Variants in FAM124A observed in about 807,000 individuals in gnomAD.
FAM124A encodes the protein family with sequence similarity 124 member A.
In FAM124A, 23 loss-of-function variants were observed where a neutral mutation model predicts 24.5. The ratio of observed to expected loss-of-function variants is 0.94; its 90% CI spans 0.68 to 1.33. FAM124A has a LOEUF of 1.33. FAM124A is among the 40% of genes most tolerant of loss of function. The pLI, the probability that FAM124A is intolerant of heterozygous loss-of-function variation, is 0.00. For missense variants in FAM124A, 623 were observed against 722.8 expected, an observed-to-expected ratio of 0.86 and a Z score of 1.58; for synonymous variants, 287 against 314.7, an observed-to-expected ratio of 0.91 and a Z score of 0.93.
At chr13:51,266,137 G>A (rs975465631) in intron 3 of FAM124A, among the ~76,000 whole-genome samples, 4 of 152,106 alleles carry the variant, frequency 2.6e-5, no homozygotes, top group African/African-American at 4.8e-5. Context: ...GGAGAAAAGC[G>A]CACATATTTT....
At chr13:51,265,877 T>G (rs1954780102) in intron 3 of FAM124A, among the ~76,000 whole-genome samples, 1 of 152,240 alleles carries the variant, frequency 6.6e-6, no homozygotes, top group South Asian at 2.1e-4. Context: ...TAGGAACATG[T>G]GCCCATCTCA....
chr13:51,271,993 A>G (rs1193108370), intron 3 of FAM124A, among the ~76,000 whole-genome samples: 3 of 152,078 alleles, frequency 2.0e-5, no homozygotes, highest in Non-Finnish European at 2.9e-5. Context: ...ACTGCTTTTG[A>G]GTTTTCGTAA....
At position 51,282,361 on chromosome 13, in the gene FAM124A, A is replaced by G. The variant is rs938949729; in HGVS notation, c.*1105A>G. On this transcript the variant is annotated 3_prime_UTR_variant, in exon 4 of 4. Transcript: ENST00000322475. ...AACACCAGTGCACTGCCAGCCTCAC[A>G]TGATTGCATGGGAGCTTTAATTAAC... is the stretch of plus-strand genomic sequence containing the variant. The G allele has an allele frequency of 1.3e-5, 2 of 152,224 alleles. No homozygotes were observed. The highest frequency in any genetic ancestry group is 2.4e-5 in the African/African-American group (1 of 41,460). 9.4% of individuals were successfully genotyped at this position (152,224 alleles called of 1,614,324 possible).
intron 2 of FAM124A, among the ~76,000 whole-genome samples, chr13:51,231,949 C>T (rs1954381585): frequency 6.6e-6 from 1 of 152,114 alleles, no homozygotes. Context: ...TACATATGTA[C>T]CAATACGTAT....
chr13:51,241,233 G>GC (rs1166863539), intron 2 of FAM124A, among the ~76,000 whole-genome samples: 2 of 152,182 alleles, frequency 1.3e-5, no homozygotes, highest in African/African-American at 4.8e-5. Flanking sequence ...TAGGTGGAGG[G>GC]CCCCAAGGCG....
chr13:51,262,375 T>C (rs1180690251), intron 3 of FAM124A, among the ~76,000 whole-genome samples: 2 of 152,234 alleles, frequency 1.3e-5, no homozygotes, highest in Non-Finnish European at 1.5e-5. Context: ...CAAAAAAGTT[T>C]TGGAAGTTGC....
intron 2 of FAM124A, among the ~76,000 whole-genome samples, chr13:51,246,404 T>TGGGGGGGGGG (rs55696364): frequency 1.4e-4 from 8 of 57,314 alleles, no homozygotes; most frequent in Non-Finnish European, 3.0e-4. Flanking sequence ...TCTCGTGGGG[T>TGGGGGGGGGG]GGGGGGGGGT....
In FAM124A at chr13:51,251,995, A is replaced by G; in HGVS notation, c.628A>G (p.Ile210Val). 6.2e-7 allele frequency: 1 copy of G among 1,613,916 alleles called. No homozygotes were observed. Among genetic ancestry groups the G allele is most frequent in the South Asian group, 1.1e-5 (1 of 91,060 alleles). ...QKKADFCIFP[I>V]FSNLDVDIQF... is the part of the protein sequence containing the mutation. ...GAAAGCGGACTTCTGCATCTTCCCT[A>G]TTTTTTCCAACCTGGATGTGGACAT... The change falls in exon 3 of 4, where the codon ATT (isoleucine) becomes GTT (valine). Residue 210 changes from isoleucine (I) to valine (V), a missense_variant. By Grantham distance (29) the Ile-to-Val change is conservative (BLOSUM62 3). Transcript: ENST00000322475. This position sits in a 1 kb window ranked among gnomAD's most constrained non-coding sequence, Gnocchi z 5.3.
intron 3 of FAM124A, among the ~76,000 whole-genome samples, chr13:51,274,368 T>A (rs1954866164): frequency 6.6e-6 from 1 of 152,178 alleles, no homozygotes; most frequent in Admixed American, 6.5e-5. Context: ...AAATCCACAA[T>A]CCAAAATGCT....
chr13:51,268,154 G>A (rs1360444887), intron 3 of FAM124A, among the ~76,000 whole-genome samples: 1 of 152,184 alleles, frequency 6.6e-6, no homozygotes, highest in Non-Finnish European at 1.5e-5. Context: ...CTGCAGTTGT[G>A]GACATCTCCC....
At chr13:51,264,407 C>A (rs1275940883) in intron 3 of FAM124A, among the ~76,000 whole-genome samples, 6 of 152,202 alleles carry the variant, frequency 3.9e-5, no homozygotes, top group Non-Finnish European at 8.8e-5. Flanking sequence ...GCATCAGTCC[C>A]TCCTCAGTGG....
In FAM124A at chr13:51,283,447, A is replaced by G. The variant is rs1954958734; in HGVS notation, c.*2191A>G. On this transcript the variant is annotated 3_prime_UTR_variant, in exon 4 of 4. Transcript: ENST00000322475. ...CTGCCTGAGGTTGATTCAACATCCC[A>G]GCTCCAGTCAACAACAAAAATTCTA... The G allele has an allele frequency of 6.6e-6, 1 of 152,200 alleles. No homozygotes were observed. The highest frequency in any genetic ancestry group is 1.5e-5 in the Non-Finnish European group (1 of 68,058). The allele number at this position is 152,200 out of a possible 1,614,324, so 9.4% of individuals were successfully genotyped here.
rs3045985 is a variant in FAM124A, at chr13:51,283,767, C to CAAAAAAAAA, written c.*2531_*2539dup. 2.3e-4 allele frequency: 8 copies of CAAAAAAAAA among 34,712 alleles called. 1 individual carries two copies. The highest frequency in any genetic ancestry group is 5.0e-4 in the Admixed American group (1 of 2,018). The allele number at this position is 34,712 out of a possible 1,614,324, so 2.2% of individuals were successfully genotyped here. A position where few individuals can be genotyped will look rare whatever the true frequency, so the allele number is the denominator to read the frequency against. On this transcript the variant is annotated 3_prime_UTR_variant, in exon 4 of 4. Coordinates refer to ENST00000322475, the MANE Select transcript of FAM124A (RefSeq NM_001242312.2). ...TCATCAGTAACAAAAGTCAGTGAGGCAAAAAAAAAAAAAAAAAAAAAAAAA... is the reference window on the plus strand; with the variant it reads ...TCATCAGTAACAAAAGTCAGTGAGGCAAAAAAAAAAAAAAAAAAAAAAAAAAAAAAAAAA...
intron 3 of FAM124A, among the ~76,000 whole-genome samples, chr13:51,262,965 G>C (rs1178152459): frequency 6.6e-6 from 1 of 152,204 alleles, no homozygotes; most frequent in Non-Finnish European, 1.5e-5. Flanking sequence ...ACTCACCCAG[G>C]CCACAGGGTC....
chr13:51,260,290 A>G (rs1000830982), intron 3 of FAM124A, among the ~76,000 whole-genome samples: 4 of 152,100 alleles, frequency 2.6e-5, no homozygotes, highest in Admixed American at 1.3e-4. Flanking sequence ...CAGCCATGTG[A>G]CTGTGAGAGA....
At chr13:51,260,962 T>G (rs1255731589) in intron 3 of FAM124A, among the ~76,000 whole-genome samples, 1 of 152,192 alleles carries the variant, frequency 6.6e-6, no homozygotes, top group East Asian at 1.9e-4. Flanking sequence ...CAGGTTTGAT[T>G]ACCACCACCT....
chr13:51,276,458 G>T (rs532009460), intron 3 of FAM124A, among the ~76,000 whole-genome samples: 2 of 152,264 alleles, frequency 1.3e-5, no homozygotes, highest in Admixed American at 6.5e-5. Context: ...TTGCTCAACC[G>T]CCATCCTGTC....
chr13:51,239,900 G>A (rs1346165881), intron 2 of FAM124A, among the ~76,000 whole-genome samples: 2 of 152,124 alleles, frequency 1.3e-5, no homozygotes, highest in Non-Finnish European at 2.9e-5. Flanking sequence ...GGTTATAAAC[G>A]GGGAGACTTT....
At chr13:51,259,685 C>T (rs764146859) in intron 3 of FAM124A, among the ~76,000 whole-genome samples, 3 of 152,162 alleles carry the variant, frequency 2.0e-5, no homozygotes, top group Admixed American at 6.5e-5. Flanking sequence ...TCCCCTTCAC[C>T]TCGCTGTGTT....
Sources: gnomAD v4.1 joint callset for allele counts (sites outside exome capture counted in the v4.1 genomes callset) on GRCh38, gnomAD v4.1.1 for gene constraint, Gnocchi (gnomAD v3.1) non-coding constraint, MANE v1.5 for transcripts, NCBI Gene and HGNC (gene_info 2026-07-23, HGNC 2026-07-21) for gene names.